Variants in KRT25 observed in about 807,000 individuals in gnomAD.
The protein encoded by KRT25 is keratin 25, also known as keratin, type I cytoskeletal 25.
Under a neutral mutation model 47.6 loss-of-function variants are expected in KRT25, and 37 were observed. The ratio of observed to expected loss-of-function variants is 0.78; its 90% confidence interval spans 0.60 to 1.02. KRT25 has a LOEUF of 1.02. KRT25 is among the 50% of genes least tolerant of loss of function. The probability of loss-of-function intolerance (pLI) is 0.00; values close to 1 mark genes in which losing one functional copy is unlikely to be tolerated. For synonymous variants in KRT25, 203 were observed against 210.2 expected, an observed-to-expected ratio of 0.97 and a Z score of 0.30; for missense variants, 542 against 550.3, an observed-to-expected ratio of 0.98 and a Z score of 0.15.
chr17:40,751,314 G>A lies in KRT25; in HGVS notation c.682C>T (p.Leu228=). Residue 228 remains leucine, a synonymous_variant, in exon 4 of 8, where the codon CTG becomes TTG. Coordinates refer to ENST00000312150, the MANE Select transcript of KRT25 (RefSeq NM_181534.4). ...KKNHKEEMQV[L]QCAAGGNVNV... is the part of the protein sequence containing the mutation. ...ACGTTGCCTCCAGCTGCGCACTGCAGAACTTGCATTTCCTAGAGGCAGAAA... is the reference window on the plus strand; with the variant it reads ...ACGTTGCCTCCAGCTGCGCACTGCAAAACTTGCATTTCCTAGAGGCAGAAA... The A allele has an allele frequency of 6.2e-7, 1 of 1,610,618 alleles. No individual in the cohort carries two copies. Among genetic ancestry groups the A allele is most frequent in the African/African-American group, 1.3e-5 (1 of 74,932 alleles).
chr17:40,748,471 A>G, intron 7 of KRT25, 85 bp from the exon 8 acceptor site: 2 of 854,188 alleles, frequency 2.3e-6, no homozygotes, highest in Non-Finnish European at 3.6e-6. Flanking sequence ...TAGGATTTGC[A>G]TACAGAATGA....
Position 40,755,110 on chromosome 17 carries a change from C to G in KRT25, c.162G>C (p.Ser54=), listed in dbSNP as rs777094845. ...GATTACCTCCCCCTGTGTTTCCTCC[C>G]GATGAGCTGCCTCCGAAGGCACTAG... ...GFSSAFGGSS[S]GGNTGGGNPC... Residue 54 remains serine, a synonymous_variant, in exon 1 of 8, where the codon TCG becomes TCC. Transcript: ENST00000312150. 6.2e-7 allele frequency: 1 copy of G among 1,614,148 alleles called. No homozygotes were observed. The highest frequency in any genetic ancestry group is 1.1e-5 in the South Asian group (1 of 91,066).
intron 1 of KRT25, among the ~76,000 whole-genome samples, 177 bp downstream of exon 1, chr17:40,754,666 C>G (rs1405907020): frequency 7.8e-6 from 1 of 127,636 alleles, no homozygotes; most frequent in Non-Finnish European, 1.5e-5. Flanking sequence ...TGCAGTGAGC[C>G]AAGATCCCAC....
In KRT25 at chr17:40,750,958, G is replaced by T. The variant is rs1443717903; in HGVS notation, c.953C>A (p.Ala318Asp). ...TLEIELQSLL[A>D]TKHSLECSLT... ...AAAAAATTGTTCTTTTCATACCGTG[G>T]CTAGGAGAGACTGAAGTTCAATTTC... The change falls in exon 5 of 8, where the codon GCC becomes GAC. Residue 318 changes from alanine (A) to aspartate (D), a missense_variant. Coordinates refer to ENST00000312150, the MANE Select transcript of KRT25 (RefSeq NM_181534.4). 1 of 1,614,124 alleles carries T rather than the reference G, an allele frequency of 6.2e-7. No homozygotes were observed. Among genetic ancestry groups the T allele is most frequent in the Non-Finnish European group, 8.5e-7 (1 of 1,180,010 alleles).
At position 40,753,841 on chromosome 17, in the gene KRT25, G is replaced by GA; in HGVS notation, c.669+18_669+19insT. 2 of 1,598,900 alleles carry GA rather than the reference G, an allele frequency of 1.3e-6. No individual in the cohort carries two copies. Among genetic ancestry groups the GA allele is most frequent in the Non-Finnish European group, 1.7e-6 (2 of 1,170,304 alleles). ...AGTGTCTGCGGAGGGATAGCAAAAT[G>GA]TAGACGACCAGCTCTTACCTCTTTA... On this transcript the variant is annotated intron_variant, in intron 3 of 7. Coordinates refer to ENST00000312150, the MANE Select transcript of KRT25 (RefSeq NM_181534.4).
chr17:40,748,777 C>T (rs2038018998), intron 7 of KRT25, among the ~76,000 whole-genome samples: 1 of 152,140 alleles, frequency 6.6e-6, no homozygotes, highest in Non-Finnish European at 1.5e-5. Flanking sequence ...TTCATTGCAG[C>T]ATTATTCACA....
chr17:40,751,364 A>T, intron 3 of KRT25, 38 bp from the exon 4 acceptor site: 1 of 1,563,464 alleles, frequency 6.4e-7, no homozygotes. Flanking sequence ...CTCTGCAGGA[A>T]TCTCATGGAA....
chr17:40,748,849 C>T (rs1346975137), intron 7 of KRT25, among the ~76,000 whole-genome samples: 1 of 152,158 alleles, frequency 6.6e-6, no homozygotes, highest in African/African-American at 2.4e-5. Flanking sequence ...AAGCCATAAA[C>T]ACCATGGAAT....
chr17:40,755,424 G>A, upstream of KRT25: 2 of 674,282 alleles, frequency 3.0e-6, no homozygotes, highest in Non-Finnish European at 4.9e-6. Flanking sequence ...TGGCTTGCCA[G>A]TCTCAGCAAG....
At position 40,749,319 on chromosome 17, in the gene KRT25, A is replaced by C. The variant is rs541777777; in HGVS notation, c.1182T>G (p.Cys394Trp). 8.1e-6 allele frequency: 13 copies of C among 1,612,904 alleles called. No individual in the cohort carries two copies. In the South Asian group the frequency reaches 1.4e-4, roughly 18 times the overall value. ...CLLIGGDDGACKSGGYKSKDY... is the reference protein window; with the variant it reads ...CLLIGGDDGAWKSGGYKSKDY... ...CTTTAGACTTGTAACCCCCAGACTT[A>C]CAGGCTCTGTGAAAACATCGCAAAA... is the stretch of plus-strand genomic sequence containing the variant. Residue 394 changes from cysteine to tryptophan, a missense_variant, in exon 7 of 8, where the codon TGT (cysteine) becomes TGG (tryptophan). Coordinates refer to ENST00000312150, the MANE Select transcript of KRT25 (RefSeq NM_181534.4).
At position 40,748,251 on chromosome 17, in the gene KRT25, G is replaced by T; in HGVS notation, c.*26C>A. The T allele has an allele frequency of 2.1e-6, 3 of 1,455,042 alleles. No individual in the cohort carries two copies. The highest frequency in any genetic ancestry group is 2.9e-6 in the Non-Finnish European group (3 of 1,040,980). 90.1% of individuals were successfully genotyped at this position (1,455,042 alleles called of 1,614,324 possible). A position where few individuals can be genotyped will look rare whatever the true frequency, so the allele number is the denominator to read the frequency against. Reference sequence around the variant, plus strand: ...GCCTTTTCTTCGCAGGGGCTATGTGGCATACGTTCTCTGTTGCATCTCAAA... The same window carrying T: ...GCCTTTTCTTCGCAGGGGCTATGTGTCATACGTTCTCTGTTGCATCTCAAA... On this transcript the variant is annotated 3_prime_UTR_variant, in exon 8 of 8. Transcript: ENST00000312150.
Position 40,748,373 on chromosome 17 carries a change from G to C in KRT25, c.1257C>G (p.Ala419=). The C allele has an allele frequency of 1.9e-6, 3 of 1,610,028 alleles. No individual in the cohort carries two copies. Among genetic ancestry groups the C allele is most frequent in the Non-Finnish European group, 1.7e-6 (2 of 1,178,092 alleles). Residue 419 remains alanine (A), a synonymous_variant, in exon 8 of 8, where the codon GCC becomes GCG. Coordinates refer to ENST00000312150, the MANE Select transcript of KRT25 (RefSeq NM_181534.4). The stretch of plus-strand genomic sequence containing the variant: ...CCTCAAGAACTTTCTTAACCACTAT[G>C]GCTTTGGCTGGGTCTGAGCATTAAA... ...VGSQVKDPAK[A]IVVKKVLEEV... is the part of the protein sequence containing the mutation.
At position 40,753,852 on chromosome 17, in the gene KRT25, G is replaced by A; in HGVS notation, c.669+8C>T. ...AGGGATAGCAAAATGTAGACGACCA[G>A]CTCTTACCTCTTTATGGTTCTTTTT... On this transcript the variant is annotated splice_region_variant and intron_variant, in intron 3 of 7. Coordinates refer to ENST00000312150, the MANE Select transcript of KRT25 (RefSeq NM_181534.4). The A allele has an allele frequency of 6.2e-7, 1 of 1,613,462 alleles. No homozygotes were observed. Among genetic ancestry groups the A allele is most frequent in the African/African-American group, 1.3e-5 (1 of 74,976 alleles).
chr17:40,750,475 C>G lies in KRT25; in HGVS notation c.1080G>C (p.Glu360Asp). ...EQLHQVRTETEGQKLEYEQLL... is the reference protein window; with the variant it reads ...EQLHQVRTETDGQKLEYEQLL... ...GCTGCTCATACTCCAGCTTCTGGCC[C>G]TCGGTCTCGGTTCTGACCTGGTGCA... The change falls in exon 6 of 8, where the codon GAG becomes GAC. Residue 360 changes from glutamate to aspartate, a missense_variant. Physicochemically the swap from Glu to Asp is conservative, Grantham distance 45. Coordinates refer to ENST00000312150, the MANE Select transcript of KRT25 (RefSeq NM_181534.4). 1 of 1,614,056 alleles carries G rather than the reference C, an allele frequency of 6.2e-7. No homozygotes were observed. The highest frequency in any genetic ancestry group is 8.5e-7 in the Non-Finnish European group (1 of 1,179,948).
intron 6 of KRT25, 122 bp downstream of exon 6, chr17:40,750,258 T>A (rs2038033065): frequency 1.1e-6 from 1 of 910,314 alleles, no homozygotes; most frequent in Non-Finnish European, 1.7e-6. Flanking sequence ...ATATTTAATA[T>A]TTAGTATTCA....
At chr17:40,754,569 GT>G in intron 1 of KRT25, 101 bp from the exon 2 acceptor site, 1 of 1,102,726 alleles carries the variant, frequency 9.1e-7, no homozygotes, top group Non-Finnish European at 1.4e-6. Context: ...GAAATCACAA[GT>G]AGGAGGGCAT....
chr17:40,751,471 C>G (rs1346531879), intron 3 of KRT25, 145 bp from the exon 4 acceptor site: 5 of 837,384 alleles, frequency 6.0e-6, no homozygotes, highest in Non-Finnish European at 3.6e-6. Context: ...TTGATACTTC[C>G]TGTCCCGTTG....
chr17:40,750,884 T>C, intron 5 of KRT25, 70 bp downstream of exon 5: 1 of 1,560,948 alleles, frequency 6.4e-7, no homozygotes. Flanking sequence ...GTTAAGGTTT[T>C]TAAAACCAGC....
At chr17:40,749,637 T>C (rs1041036514) in intron 6 of KRT25, among the ~76,000 whole-genome samples, 3 of 152,160 alleles carry the variant, frequency 2.0e-5, no homozygotes, top group Admixed American at 1.3e-4. Context: ...CCTTTTAAGT[T>C]TTGCAGGTTT....
Sources: gnomAD v4.1 joint callset for allele counts (sites outside exome capture counted in the v4.1 genomes callset) on GRCh38, gnomAD v4.1.1 for gene constraint, MANE v1.5 for transcripts, NCBI Gene and HGNC (gene_info 2026-07-23, HGNC 2026-07-21) for gene names.